The following BANK1 variants were observed in gnomAD, a reference collection of about 807,000 sequenced individuals.
BANK1 encodes the protein B-cell scaffold protein with ankyrin repeats.
Under a neutral mutation model 94.5 loss-of-function variants are expected in BANK1, and 95 were observed. The observed-to-expected ratio is 1.00, with a 90% CI of 0.85 to 1.19. The LOEUF is 1.19. Ranked by LOEUF, BANK1 falls within the 50% of genes most tolerant of loss-of-function variation. The pLI is 0.00. For missense variants in BANK1, 987 were observed against 932.2 expected (o/e 1.06, Z -0.77); for synonymous variants, 334 against 308.4 (o/e 1.08, Z -0.87).
intron 7 of BANK1, among the ~76,000 whole-genome samples, chr4:101,930,153 C>T (rs1723293184): frequency 6.6e-6 from 1 of 151,140 alleles, no homozygotes; most frequent in African/African-American, 2.4e-5. Context: ...TCCCACAGAA[C>T]TGTAAATTTT....
At chr4:101,964,513 A>G (rs1033306975) in intron 7 of BANK1, among the ~76,000 whole-genome samples, 2 of 151,964 alleles carry the variant, frequency 1.3e-5, no homozygotes, top group Non-Finnish European at 2.9e-5. Flanking sequence ...ATTTAATTTT[A>G]TATTTTATAG....
chr4:101,992,646 A>C (rs1725747824), intron 7 of BANK1, among the ~76,000 whole-genome samples: 1 of 152,168 alleles, frequency 6.6e-6, no homozygotes, highest in Non-Finnish European at 1.5e-5. Flanking sequence ...CTAATTCTGC[A>C]CACAACTTCT....
chr4:102,020,973 A>T (rs889736335), intron 7 of BANK1, among the ~76,000 whole-genome samples: 14 of 152,276 alleles, frequency 9.2e-5, no homozygotes, highest in Non-Finnish European at 1.6e-4. Flanking sequence ...GTCATTTCTC[A>T]GTTAATTCTG....
intron 4 of BANK1, among the ~76,000 whole-genome samples, chr4:101,866,356 A>C (rs1176105383): frequency 3.9e-5 from 6 of 152,278 alleles, no homozygotes; most frequent in Non-Finnish European, 8.8e-5. Context: ...AAGAAAGGAC[A>C]AAACATCTAA....
Position 101,970,229 on chromosome 4 carries a change from T to G in BANK1, c.1207-51285T>G, listed in dbSNP as rs148167979. Among the ~76,000 whole-genome samples, 5 of 152,152 alleles carry G rather than the reference T, an allele frequency of 3.3e-5. No individual in the cohort carries two copies. In the East Asian group the frequency reaches 9.7e-4, roughly 29 times the overall value. On this transcript the variant is annotated intron_variant, in intron 7 of 16. Transcript: ENST00000322953. ...GAAGATTCGAGGCGCTGGCGCATAG[T>G]ACGGATTCAATAGGTAGCTACTATT...
chr4:101,822,617 C>CTT (rs35179391), intron 1 of BANK1, among the ~76,000 whole-genome samples: 5 of 139,688 alleles, frequency 3.6e-5, no homozygotes, highest in African/African-American at 5.2e-5. Context: ...GGAATCAATA[C>CTT]TTTTTTTTTT....
chr4:101,804,323 G>A (rs1246394791), intron 1 of BANK1, among the ~76,000 whole-genome samples: 1 of 152,188 alleles, frequency 6.6e-6, no homozygotes, highest in Non-Finnish European at 1.5e-5. Context: ...GTGAGATCAA[G>A]TGTTGGGAGT....
Position 101,986,033 on chromosome 4 carries a change from G to T in BANK1, c.1207-35481G>T, listed in dbSNP as rs147742084. Among the ~76,000 whole-genome samples, 542 of 152,180 alleles carry T rather than the reference G, an allele frequency of 3.6e-3. 3 individuals are homozygous for T. The highest frequency in any genetic ancestry group is 0.012 in the African/African-American group (507 of 41,528). On this transcript the variant is annotated intron_variant, in intron 7 of 16. Coordinates refer to ENST00000322953, the MANE Select transcript of BANK1 (RefSeq NM_017935.5). ...TAATGTCTACCAATCATTGTAATGGGATCTTAGGAATATGAAGGTGAATAA... is the reference window on the plus strand; with the variant it reads ...TAATGTCTACCAATCATTGTAATGGTATCTTAGGAATATGAAGGTGAATAA...
intron 1 of BANK1, among the ~76,000 whole-genome samples, chr4:101,814,758 G>GT (rs1725844795): frequency 6.6e-6 from 1 of 152,008 alleles, no homozygotes; most frequent in African/African-American, 2.4e-5. Flanking sequence ...TAACATTTTT[G>GT]TTTTTTCATT....
intron 1 of BANK1, among the ~76,000 whole-genome samples, chr4:101,792,253 G>A (rs533592817): frequency 1.2e-3 from 114 of 94,892 alleles, no homozygotes; most frequent in Non-Finnish European, 2.4e-3. Flanking sequence ...CATGCATTCC[G>A]CTCCCCCCCC....
Position 101,986,897 on chromosome 4 carries a change from GTGTATA to G in BANK1, c.1207-34615_1207-34610del, listed in dbSNP as rs1438866870. On this transcript the variant is annotated intron_variant, in intron 7 of 16. Coordinates refer to ENST00000322953, the MANE Select transcript of BANK1 (RefSeq NM_017935.5). ...TATGTGTGTGTGTGTGTGTGTGTGT[GTGTATA>G]TATATATATATATATATATATATAT... 3.9e-3 allele frequency among the ~76,000 whole-genome samples: 229 copies of G among 58,028 alleles called. 21 individuals are homozygous for G. In the East Asian group the frequency reaches 0.071, roughly 18 times the overall value. The allele number at this position is 58,028 out of a possible 152,430, so 38.1% of individuals were successfully genotyped here.
At chr4:101,986,843 G>A (rs59363969) in intron 7 of BANK1, among the ~76,000 whole-genome samples, 1,361 of 50,600 alleles carry the variant, frequency 0.027, 68 homozygotes, top group East Asian at 0.12. Flanking sequence ...GTATATATAT[G>A]TGTATATATA....
intron 2 of BANK1, among the ~76,000 whole-genome samples, chr4:101,843,683 G>A (rs559029971): frequency 1.3e-5 from 2 of 152,162 alleles, no homozygotes; most frequent in South Asian, 4.2e-4. Flanking sequence ...TTGGGAGGCC[G>A]AGGTGGGTGG....
intron 7 of BANK1, among the ~76,000 whole-genome samples, chr4:101,998,159 T>G (rs1355850640): frequency 1.3e-5 from 2 of 152,230 alleles, no homozygotes; most frequent in African/African-American, 4.8e-5. Context: ...TATTTATGCC[T>G]TAATTTCGTT....
chr4:101,791,972 C>A (rs1725002699), intron 1 of BANK1, among the ~76,000 whole-genome samples: 1 of 152,164 alleles, frequency 6.6e-6, no homozygotes, highest in South Asian at 2.1e-4. Context: ...CTCTGATGGT[C>A]TTCAGCAGAG....
intron 7 of BANK1, among the ~76,000 whole-genome samples, chr4:101,953,439 G>A (rs1490770806): frequency 6.6e-6 from 1 of 152,028 alleles, no homozygotes; most frequent in East Asian, 1.9e-4. Context: ...GGAGAGAACA[G>A]ACTGTCTTGA....
chr4:102,062,120 A>G (rs527800371), intron 12 of BANK1: 1 of 152,314 alleles, frequency 6.6e-6, no homozygotes, highest in Admixed American at 6.5e-5. Context: ...TTTGTATCCT[A>G]TGAATATAAA....
intron 5 of BANK1, among the ~76,000 whole-genome samples, chr4:101,887,492 T>C (rs1728898517): frequency 6.6e-6 from 1 of 152,076 alleles, no homozygotes; most frequent in African/African-American, 2.4e-5. Flanking sequence ...TTAGAGAAAA[T>C]AGAATTTTTA....
intron 7 of BANK1, among the ~76,000 whole-genome samples, chr4:101,970,101 C>CT (rs1001911476): frequency 6.6e-6 from 1 of 152,142 alleles, no homozygotes; most frequent in African/African-American, 2.4e-5. Flanking sequence ...CTCTAATCCT[C>CT]TGTTTCCTCC....
Sources: gnomAD v4.1 joint callset for allele counts (sites outside exome capture counted in the v4.1 genomes callset) on GRCh38, gnomAD v4.1.1 for gene constraint, MANE v1.5 for transcripts, NCBI Gene and HGNC (gene_info 2026-07-23, HGNC 2026-07-21) for gene names.